The following RALYL variants were observed in gnomAD, a reference collection of about 807,000 sequenced individuals.
RALYL encodes RNA-binding Raly-like protein.
RALYL carries 29 observed loss-of-function variants against 35.1 expected under a neutral mutation model. That is an observed-to-expected ratio of 0.83 (90% CI 0.61 to 1.13). RALYL has a LOEUF of 1.13. Among genes scored for constraint, RALYL ranks in the 50% most tolerant of loss-of-function variants. The probability of loss-of-function intolerance (pLI) is 0.00; values close to 1 mark genes in which losing one functional copy is unlikely to be tolerated. For synonymous variants in RALYL, 120 were observed against 127.6 expected, an observed-to-expected ratio of 0.94 and a Z score of 0.40; for missense variants, 359 against 360.4, an observed-to-expected ratio of 1.00 and a Z score of 0.03.
chr8:84,774,491 G>A, intron 2 of RALYL, 88 bp from the exon 3 acceptor site: 2 of 867,822 alleles, frequency 2.3e-6, no homozygotes, highest in South Asian at 1.6e-5. Context: ...TAAACAAATA[G>A]TAAAAAGAAA....
chr8:84,238,682 TCA>T (rs1388043559), intron 1 of RALYL, among the ~76,000 whole-genome samples: 1 of 152,118 alleles, frequency 6.6e-6, no homozygotes, highest in Non-Finnish European at 1.5e-5. Flanking sequence ...TGATGAAAAG[TCA>T]AGCCCTTTGA....
At chr8:84,839,766 A>G (rs932019276) in intron 4 of RALYL, among the ~76,000 whole-genome samples, 5 of 152,228 alleles carry the variant, frequency 3.3e-5, no homozygotes, top group Non-Finnish European at 5.9e-5. Context: ...CCTCTGAGAC[A>G]AAACTTCCAG....
At chr8:84,608,904 C>G (rs527841742) in intron 2 of RALYL, among the ~76,000 whole-genome samples, 3 of 152,220 alleles carry the variant, frequency 2.0e-5, no homozygotes, top group Non-Finnish European at 4.4e-5. Flanking sequence ...CCAAACCCAT[C>G]CACTCAAAGA....
At chr8:84,649,795 T>C (rs1828323398) in intron 2 of RALYL, among the ~76,000 whole-genome samples, 1 of 152,128 alleles carries the variant, frequency 6.6e-6, no homozygotes, top group Non-Finnish European at 1.5e-5. Flanking sequence ...AACTTTAAAG[T>C]AGTTTTTTCC....
At chr8:84,207,846 A>C (rs1818436307) in intron 1 of RALYL, among the ~76,000 whole-genome samples, 1 of 151,350 alleles carries the variant, frequency 6.6e-6, no homozygotes, top group African/African-American at 2.4e-5. Context: ...ATATAGAAAC[A>C]TTGCATTGTA....
chr8:84,417,950 G>A (rs745900617), intron 1 of RALYL, among the ~76,000 whole-genome samples: 3 of 152,046 alleles, frequency 2.0e-5, no homozygotes, highest in Non-Finnish European at 4.4e-5. Flanking sequence ...TTCAGTAAAA[G>A]CACCTACTTG....
At chr8:84,458,919 CT>C (rs1339405831) in intron 1 of RALYL, among the ~76,000 whole-genome samples, 1 of 151,454 alleles carries the variant, frequency 6.6e-6, no homozygotes, top group Admixed American at 6.6e-5. Context: ...TATGTATGTA[CT>C]TTTTTATTTA....
intron 1 of RALYL, among the ~76,000 whole-genome samples, chr8:84,421,063 GT>G (rs1219666932): frequency 7.3e-6 from 1 of 136,460 alleles, no homozygotes; most frequent in Non-Finnish European, 1.5e-5. Flanking sequence ...CTTTAAAGTA[GT>G]TTTTTCCAAT....
At chr8:84,329,934 G>C (rs1260109738) in intron 1 of RALYL, among the ~76,000 whole-genome samples, 1 of 151,868 alleles carries the variant, frequency 6.6e-6, no homozygotes, top group African/African-American at 2.4e-5. Flanking sequence ...ATCCCTTCAA[G>C]ACTTACTTTA....
rs189608940 is a variant in RALYL at position 84,542,644 on chromosome 8, G to T, written c.256+13067G>T. On this transcript the variant is annotated intron_variant, in intron 2 of 8. Transcript: ENST00000521268. ...CTGTGTTTGCTTTTCCTTCTGCCATGATTGTAAGTTTCCTGAGGCTTCCCC... is the reference window on the plus strand; with the variant it reads ...CTGTGTTTGCTTTTCCTTCTGCCATTATTGTAAGTTTCCTGAGGCTTCCCC... Among the ~76,000 whole-genome samples the T allele has an allele frequency of 3.1e-3, 471 of 152,240 alleles. 2 individuals are homozygous for T. The highest frequency in any genetic ancestry group is 6.8e-3 in the Middle Eastern group (2 of 294).
rs534721632 is a variant in RALYL, at chr8:84,698,206, G to A, written c.257-76373G>A. Among the ~76,000 whole-genome samples the A allele has an allele frequency of 5.2e-4, 79 of 152,098 alleles. 1 individual carries two copies. In the South Asian group the frequency reaches 0.013, roughly 25 times the overall value. On this transcript the variant is annotated intron_variant, in intron 2 of 8. Coordinates refer to ENST00000521268, the MANE Select transcript of RALYL (RefSeq NM_173848.7). ...TCTGTAGGATGAGGACTCCTACCTC[G>A]CATCACTGCTTTAAAATTAAAGCAA... is the stretch of plus-strand genomic sequence containing the variant.
intron 6 of RALYL, chr8:84,864,730 G>A: frequency 1.8e-6 from 1 of 570,040 alleles, no homozygotes; most frequent in Non-Finnish European, 3.4e-6. Flanking sequence ...TTGAGTCAGG[G>A]AGCTTGGCAG....
intron 2 of RALYL, among the ~76,000 whole-genome samples, chr8:84,664,330 G>T (rs558372821): frequency 8.6e-6 from 1 of 116,408 alleles, no homozygotes; most frequent in Non-Finnish European, 1.7e-5. Flanking sequence ...TTTTGGTTCC[G>T]TATGAATTTT....
At chr8:84,638,258 C>A (rs1287114144) in intron 2 of RALYL, among the ~76,000 whole-genome samples, 1 of 151,776 alleles carries the variant, frequency 6.6e-6, no homozygotes, top group Non-Finnish European at 1.5e-5. Context: ...ATTCTTTGAA[C>A]TGAATGATAA....
chr8:84,450,878 TA>T (rs951535930), intron 1 of RALYL, among the ~76,000 whole-genome samples: 33 of 151,990 alleles, frequency 2.2e-4, no homozygotes, highest in Non-Finnish European at 4.0e-4. Flanking sequence ...AAAAAGACAT[TA>T]AAAAATTGAT....
intron 1 of RALYL, among the ~76,000 whole-genome samples, chr8:84,506,776 G>A (rs1009900024): frequency 6.6e-6 from 1 of 151,878 alleles, no homozygotes; most frequent in Non-Finnish European, 1.5e-5. Context: ...TAGAATACAA[G>A]TAAAATTTTA....
At chr8:84,475,677 G>A (rs10088559) in intron 1 of RALYL, among the ~76,000 whole-genome samples, 62,968 of 151,926 alleles carry the variant, frequency 0.41, 13,165 homozygotes, top group South Asian at 0.53. Context: ...TGTTTACGAA[G>A]AAAGTGTTTG....
At chr8:84,719,858 A>G (rs1389454166) in intron 2 of RALYL, among the ~76,000 whole-genome samples, 4 of 152,032 alleles carry the variant, frequency 2.6e-5, no homozygotes, top group African/African-American at 9.7e-5. Flanking sequence ...ACACACCAGA[A>G]CTTACTCCTC....
intron 2 of RALYL, among the ~76,000 whole-genome samples, chr8:84,653,387 C>G (rs1386573911): frequency 2.6e-5 from 4 of 152,008 alleles, no homozygotes; most frequent in African/African-American, 9.7e-5. Context: ...TGCACGTACA[C>G]ACACACACAT....
Sources: allele counts gnomAD v4.1 joint callset (sites outside exome capture counted in the v4.1 genomes callset), GRCh38; gene constraint gnomAD v4.1.1; transcripts MANE v1.5; gene names NCBI Gene and HGNC (gene_info 2026-07-23, HGNC 2026-07-21).